Variants in AUTS2 observed in about 807,000 individuals in gnomAD.
AUTS2 encodes the protein activator of transcription and developmental regulator AUTS2, also known as autism susceptibility gene 2 protein.
A neutral mutation model predicts 112.4 loss-of-function variants in AUTS2; 17 were observed. That is an observed-to-expected ratio of 0.15 (90% CI 0.10 to 0.23). The LOEUF (loss-of-function observed/expected upper bound fraction) is 0.23. Ranked by LOEUF, AUTS2 falls within the 10% of genes least tolerant of loss-of-function variation. The pLI is 1.00. For synonymous variants in AUTS2, 751 were observed against 702.7 expected (o/e 1.07, Z -1.09); for missense variants, 1,510 against 1,701.6 (o/e 0.89, Z 1.98).
Position 70,161,650 on chromosome 7 carries a change from G to C in AUTS2, c.660+27079G>C, listed in dbSNP as rs1808081855. 2.7e-5 allele frequency among the ~76,000 whole-genome samples: 4 copies of C among 150,838 alleles called. No individual in the cohort carries two copies. The Middle Eastern group carries it at 0.014, about 517-fold the overall frequency. Reference sequence around the variant, plus strand: ...GTTTAGGTCACAAATTTGTAGAAAGGTCTTATCATTGGCATATTTTGTACC... The same window carrying C: ...GTTTAGGTCACAAATTTGTAGAAAGCTCTTATCATTGGCATATTTTGTACC... On this transcript the variant is annotated intron_variant, in intron 4 of 18. Transcript: ENST00000342771.
chr7:70,185,058 A>T, intron 4 of AUTS2, among the ~76,000 whole-genome samples: 1 of 152,084 alleles, frequency 6.6e-6, no homozygotes, highest in East Asian at 1.9e-4. Context: ...AACTTCTTGA[A>T]GTAATGTTTT....
chr7:69,824,863 A>G (rs1791171755), intron 1 of AUTS2, among the ~76,000 whole-genome samples: 2 of 152,228 alleles, frequency 1.3e-5, no homozygotes, highest in African/African-American at 2.4e-5. Flanking sequence ...GCTGGCAATC[A>G]AAAGCTGTAT....
At chr7:70,661,123 AT>A (rs1248108401) in intron 5 of AUTS2, among the ~76,000 whole-genome samples, 1 of 151,422 alleles carries the variant, frequency 6.6e-6, no homozygotes, top group East Asian at 1.9e-4. Flanking sequence ...TTGAATGGAG[AT>A]TAGCTGGCAT....
chr7:70,353,016 A>G (rs181999186), intron 4 of AUTS2, among the ~76,000 whole-genome samples: 1 of 152,260 alleles, frequency 6.6e-6, no homozygotes, highest in Admixed American at 6.5e-5. Context: ...ATTCAGTGAC[A>G]CTCATTAGTT....
intron 5 of AUTS2, among the ~76,000 whole-genome samples, chr7:70,594,082 G>A (rs1180569478): frequency 6.6e-6 from 1 of 152,168 alleles, no homozygotes. Flanking sequence ...GATCCTCAAA[G>A]TCAGAAGAAG....
chr7:70,388,558 CTTGAGAGAA>C (rs1793713774), intron 4 of AUTS2, among the ~76,000 whole-genome samples: 1 of 152,190 alleles, frequency 6.6e-6, no homozygotes, highest in African/African-American at 2.4e-5. Flanking sequence ...GTGAAAGAAG[CTTGAGAGAA>C]TTGTAGCAAA....
chr7:70,399,526 C>A (rs1168728026), intron 4 of AUTS2, among the ~76,000 whole-genome samples: 1 of 152,022 alleles, frequency 6.6e-6, no homozygotes, highest in Admixed American at 6.6e-5. Flanking sequence ...GTTTTCAAGT[C>A]CTCTAGGTTT....
chr7:69,690,466 C>A lies in AUTS2; in HGVS notation c.309+90504C>A, dbSNP rs564789499. 1.4e-4 allele frequency among the ~76,000 whole-genome samples: 21 copies of A among 152,306 alleles called. No homozygotes were observed. The South Asian group carries it at 4.4e-3, about 32-fold the overall frequency. On this transcript the variant is annotated intron_variant, in intron 1 of 18. Coordinates refer to ENST00000342771, the MANE Select transcript of AUTS2 (RefSeq NM_015570.4). ...TCAGGTTTTGCTGCCGGCCTGAATC[C>A]CATGCCTGCCAAGTGTGAGCAGGCG...
At chr7:70,735,288 G>A (rs1349395182) in intron 6 of AUTS2, among the ~76,000 whole-genome samples, 1 of 152,188 alleles carries the variant, frequency 6.6e-6, no homozygotes, top group Admixed American at 6.5e-5. Flanking sequence ...CAAACAAAAT[G>A]AAATCGACTT....
intron 2 of AUTS2, among the ~76,000 whole-genome samples, chr7:69,931,143 ACACACT>A (rs750933100): frequency 1.5e-5 from 2 of 133,128 alleles, no homozygotes; most frequent in Admixed American, 7.6e-5. Flanking sequence ...ACACACACAC[ACACACT>A]ACTTTTTTAC....
chr7:70,653,904 G>A (rs11974572), intron 5 of AUTS2, among the ~76,000 whole-genome samples: 6,747 of 152,224 alleles, frequency 0.044, 445 homozygotes, highest in African/African-American at 0.14. Context: ...ACTATGTACT[G>A]TTTGTATAAA....
intron 1 of AUTS2, among the ~76,000 whole-genome samples, chr7:69,692,596 T>G (rs538116953): frequency 6.6e-6 from 1 of 152,376 alleles, no homozygotes; most frequent in East Asian, 1.9e-4. Context: ...GATGCAAATT[T>G]GTGCTCAACT....
intron 2 of AUTS2, among the ~76,000 whole-genome samples, chr7:69,933,121 A>G (rs1158349579): frequency 2.0e-5 from 3 of 152,196 alleles, no homozygotes; most frequent in Non-Finnish European, 4.4e-5. Flanking sequence ...TTAGATTTCA[A>G]TAAACTATTA....
At chr7:70,384,320 A>C (rs764949333) in intron 4 of AUTS2, among the ~76,000 whole-genome samples, 2 of 152,238 alleles carry the variant, frequency 1.3e-5, no homozygotes, top group African/African-American at 2.4e-5. Context: ...CTGACAGGGA[A>C]CATACATCAT....
intron 4 of AUTS2, among the ~76,000 whole-genome samples, chr7:70,148,573 G>A (rs1258923053): frequency 6.6e-6 from 1 of 151,462 alleles, no homozygotes; most frequent in East Asian, 1.9e-4. Flanking sequence ...TCAGAAACCT[G>A]TACCCAAGAG....
In AUTS2 at chr7:69,877,616, C is replaced by G. The variant is rs140707472; in HGVS notation, c.310-21670C>G. Reference sequence around the variant, plus strand: ...TTTTTCAACTCTTGCCTCCTCCCTCCCACTTCTGATAGTCCCCAGTGTCTT... The same window carrying G: ...TTTTTCAACTCTTGCCTCCTCCCTCGCACTTCTGATAGTCCCCAGTGTCTT... On this transcript the variant is annotated intron_variant, in intron 1 of 18. Transcript: ENST00000342771. Among the ~76,000 whole-genome samples, 512 of 152,138 alleles carry G rather than the reference C, an allele frequency of 3.4e-3. 3 individuals are homozygous for G. Among genetic ancestry groups the G allele is most frequent in the Middle Eastern group, 0.01 (3 of 294 alleles).
chr7:70,241,054 T>C (rs538670574), intron 4 of AUTS2, among the ~76,000 whole-genome samples: 2 of 152,314 alleles, frequency 1.3e-5, no homozygotes, highest in South Asian at 2.1e-4. Context: ...CTTATGAAGC[T>C]TGAGCAATTG....
chr7:69,809,223 C>T (rs1004728584), intron 1 of AUTS2, among the ~76,000 whole-genome samples: 4 of 152,056 alleles, frequency 2.6e-5, no homozygotes, highest in African/African-American at 4.8e-5. Flanking sequence ...TGCAGGCACC[C>T]GCCACCACGC....
intron 1 of AUTS2, among the ~76,000 whole-genome samples, chr7:69,620,744 G>A (rs748281370): frequency 1.9e-4 from 29 of 152,182 alleles, no homozygotes; most frequent in Non-Finnish European, 3.8e-4. Context: ...GTGGGAAGGT[G>A]GGTGGAAAAT....
Sources: gnomAD v4.1 joint callset for allele counts (sites outside exome capture counted in the v4.1 genomes callset) on GRCh38, gnomAD v4.1.1 for gene constraint, MANE v1.5 for transcripts, NCBI Gene and HGNC (gene_info 2026-07-23, HGNC 2026-07-21) for gene names.